Variants in TMEM255A observed in about 807,000 individuals in gnomAD.
TMEM255A encodes family with sequence similarity 70, member A.
In TMEM255A, 14 loss-of-function variants were observed where a neutral mutation model predicts 23.5. That is an observed-to-expected ratio of 0.60 (90% CI 0.39 to 0.93). The LOEUF (loss-of-function observed/expected upper bound fraction) is 0.93, where lower values mean the gene tolerates loss of function less well. TMEM255A is among the 40% of genes least tolerant of loss of function. TMEM255A has a pLI of 0.00. For synonymous variants in TMEM255A, 104 were observed against 100.3 expected, an observed-to-expected ratio of 1.04 and a Z score of -0.22; for missense variants, 233 against 261.7, an observed-to-expected ratio of 0.89 and a Z score of 0.76.
Position 120,292,633 on chromosome X carries a change from A to G in TMEM255A, c.265-1293T>C, listed in dbSNP as rs141162793. Reference sequence around the variant, plus strand: ...AAATTAGCCAGGCATGGTGATATGCACCTGTAATCCCAGCTACTCGGGAGG... The same window carrying G: ...AAATTAGCCAGGCATGGTGATATGCGCCTGTAATCCCAGCTACTCGGGAGG... On this transcript the variant is annotated intron_variant, in intron 3 of 8. Coordinates refer to ENST00000371369, the MANE Select transcript of TMEM255A (RefSeq NM_001104544.3). Among the ~76,000 whole-genome samples, 580 of 110,148 alleles carry G rather than the reference A, an allele frequency of 5.3e-3. 6 individuals carry two copies. The highest frequency in any genetic ancestry group is 0.018 in the African/African-American group (543 of 30,178).
downstream of TMEM255A, chrX:120,257,774 G>T (rs2057647943): frequency 8.2e-6 from 1 of 122,560 alleles, no homozygotes; most frequent in African/African-American, 3.3e-5. Flanking sequence ...CTTCATTCCT[G>T]GTATTTATTG....
rs371165108 is a variant in TMEM255A at position 120,309,177 on chromosome X, T to C, written c.58+2075A>G. Among the ~76,000 whole-genome samples the C allele has an allele frequency of 1.7e-4, 19 of 112,578 alleles. 1 individual carries two copies. The East Asian group carries it at 5.1e-3, about 30-fold the overall frequency. On this transcript the variant is annotated intron_variant, in intron 1 of 8. Coordinates refer to ENST00000371369, the MANE Select transcript of TMEM255A (RefSeq NM_001104544.3). Reference sequence around the variant, plus strand: ...TGTCCAAACTGTGGAAACCCAGCGTTAGCACTGGACTCAGGAATTTGCCAG... The same window carrying C: ...TGTCCAAACTGTGGAAACCCAGCGTCAGCACTGGACTCAGGAATTTGCCAG...
At position 120,291,124 on chromosome X, in the gene TMEM255A, G is replaced by A. The variant is rs782109281; in HGVS notation, c.354+127C>T. ...TTGACTGCCAACTCCTTGAGAAAAG[G>A]GACTGTGTCTTCTCCCTCTCATGTA... On this transcript the variant is annotated intron_variant, in intron 4 of 8. Coordinates refer to ENST00000371369, the MANE Select transcript of TMEM255A (RefSeq NM_001104544.3). The A allele has an allele frequency of 9.7e-5, 53 of 546,762 alleles. No homozygotes were observed. In the African/African-American group the frequency reaches 1.2e-3, roughly 12 times the overall value. The allele number at this position is 546,762 out of a possible 1,213,427, so 45.1% of individuals were successfully genotyped here.
At chrX:120,292,956 T>C (rs1264185681) in intron 3 of TMEM255A, among the ~76,000 whole-genome samples, 1 of 112,088 alleles carries the variant, frequency 8.9e-6, no homozygotes, top group Admixed American at 9.4e-5. Flanking sequence ...AGCTCTACAA[T>C]TAAAATTCCC....
chrX:120,266,153 CA>C (rs782105722), intron 8 of TMEM255A, among the ~76,000 whole-genome samples: 1,981 of 75,217 alleles, frequency 0.026, 43 homozygotes, highest in African/African-American at 0.077. Context: ...GACTCTGTCT[CA>C]AAAAAAAAAA....
chrX:120,297,155 A>ATAAT (rs1236467207), intron 2 of TMEM255A, among the ~76,000 whole-genome samples: 15 of 54,024 alleles, frequency 2.8e-4, no homozygotes, highest in Non-Finnish European at 4.7e-4. Flanking sequence ...ATATTATATT[A>ATAAT]TAATATATAT....
intron 2 of TMEM255A, among the ~76,000 whole-genome samples, chrX:120,297,066 ATATATATTATAT>A (rs1408030436): frequency 2.7e-4 from 2 of 7,302 alleles, no homozygotes; most frequent in African/African-American, 3.5e-3. Flanking sequence ...ATATAATATT[ATATATATTATAT>A]TATATTATAA....
intron 7 of TMEM255A, among the ~76,000 whole-genome samples, chrX:120,271,097 G>C (rs1556018687): frequency 2.7e-5 from 3 of 111,249 alleles, no homozygotes; most frequent in East Asian, 2.8e-4. Flanking sequence ...ATTCACATTT[G>C]ATAATGCTCG....
chrX:120,306,257 C>T (rs1556027053), intron 1 of TMEM255A, among the ~76,000 whole-genome samples: 1 of 110,989 alleles, frequency 9.0e-6, no homozygotes, highest in Admixed American at 9.6e-5. Flanking sequence ...AGGAGCAAAG[C>T]CGGGAGCTCT....
chrX:120,291,026 T>C (rs1556022795), intron 4 of TMEM255A, among the ~76,000 whole-genome samples: 1 of 111,627 alleles, frequency 9.0e-6, no homozygotes, highest in Non-Finnish European at 1.9e-5. Flanking sequence ...TAAGCCACTA[T>C]GGCACTTGGA....
At chrX:120,281,640 G>C in intron 6 of TMEM255A, among the ~76,000 whole-genome samples, 1 of 112,899 alleles carries the variant, frequency 8.9e-6, no homozygotes, top group Admixed American at 9.3e-5. Flanking sequence ...GCACATAGTA[G>C]GAGCTCAAGA....
At chrX:120,266,408 C>T (rs1461030807) in intron 8 of TMEM255A, among the ~76,000 whole-genome samples, 3 of 109,711 alleles carry the variant, frequency 2.7e-5, no homozygotes, top group Admixed American at 1.9e-4. Context: ...TGGCTCAATG[C>T]GTGGCACATG....
chrX:120,267,421 G>C (rs1270511139), intron 8 of TMEM255A, among the ~76,000 whole-genome samples: 1 of 111,809 alleles, frequency 8.9e-6, no homozygotes, highest in Non-Finnish European at 1.9e-5. Context: ...TTCCTTAAAA[G>C]GTATTTCCTT....
At chrX:120,285,337 A>G in intron 5 of TMEM255A, 122 bp from the exon 6 acceptor site, 1 of 681,041 alleles carries the variant, frequency 1.5e-6, no homozygotes, top group South Asian at 2.4e-5. Context: ...ATGAACACCC[A>G]ATGTGTGGGA....
At position 120,293,970 on chromosome X, in the gene TMEM255A, A is replaced by G. The variant is rs375529795; in HGVS notation, c.264+19T>C. On this transcript the variant is annotated intron_variant, in intron 3 of 8. Coordinates refer to ENST00000371369, the MANE Select transcript of TMEM255A (RefSeq NM_001104544.3). ...TTTTTTAGAGGAAGAACTTGACTCT[A>G]TAAGGGATGAAAACTTACCATCTGC... 1.8e-6 allele frequency: 2 copies of G among 1,133,691 alleles called. No individual in the cohort carries two copies. Among genetic ancestry groups the G allele is most frequent in the African/African-American group, 3.6e-5 (2 of 55,533 alleles). The allele number at this position is 1,133,691 out of a possible 1,213,427, so 93.4% of individuals were successfully genotyped here.
intron 8 of TMEM255A, among the ~76,000 whole-genome samples, chrX:120,265,104 C>T (rs986424893): frequency 1.8e-5 from 2 of 110,962 alleles, no homozygotes; most frequent in Non-Finnish European, 1.9e-5. Flanking sequence ...CTCGAACTCC[C>T]GACCTCAGGT....
chrX:120,282,771 A>G (rs1281631867), intron 6 of TMEM255A, among the ~76,000 whole-genome samples: 2 of 112,444 alleles, frequency 1.8e-5, no homozygotes, highest in African/African-American at 6.5e-5. Flanking sequence ...ACTTTCAAAA[A>G]CAATTCACCT....
At chrX:120,266,011 G>A (rs950125348) in intron 8 of TMEM255A, among the ~76,000 whole-genome samples, 4 of 94,785 alleles carry the variant, frequency 4.2e-5, no homozygotes, top group Non-Finnish European at 8.6e-5. Context: ...AAAAATAGCC[G>A]GGCATGGTGG....
intron 8 of TMEM255A, among the ~76,000 whole-genome samples, chrX:120,265,119 G>T (rs1489370245): frequency 9.0e-6 from 1 of 111,231 alleles, no homozygotes; most frequent in African/African-American, 3.3e-5. Context: ...TCAGGTGATC[G>T]CCCGCCTTGG....
Sources: gnomAD v4.1 joint callset for allele counts (sites outside exome capture counted in the v4.1 genomes callset) on GRCh38, gnomAD v4.1.1 for gene constraint, MANE v1.5 for transcripts, NCBI Gene and HGNC (gene_info 2026-07-23, HGNC 2026-07-21) for gene names.